Variants in CSMD1 observed in about 807,000 individuals in gnomAD.
CSMD1 encodes the protein CUB and Sushi multiple domains 1, also known as CUB and sushi domain-containing protein 1.
CSMD1 carries 213 observed loss-of-function variants against 417.5 expected under a neutral mutation model. The ratio of observed to expected loss-of-function variants is 0.51; its 90% CI spans 0.46 to 0.57. The LOEUF (loss-of-function observed/expected upper bound fraction) is 0.57. CSMD1 is among the 20% of genes least tolerant of loss of function. The pLI is 0.00. For missense variants in CSMD1, 6,923 were observed against 4,529.7 expected, an observed-to-expected ratio of 1.53 and a Z score of -15.17; for synonymous variants, 2,862 against 1,736.8, an observed-to-expected ratio of 1.65 and a Z score of -16.11.
At chr8:3,814,741 A>C (rs1801281749) in intron 5 of CSMD1, among the ~76,000 whole-genome samples, 1 of 152,168 alleles carries the variant, frequency 6.6e-6, no homozygotes, top group Non-Finnish European at 1.5e-5. Flanking sequence ...TTAGGTATGA[A>C]TCCACAACTT....
intron 3 of CSMD1, among the ~76,000 whole-genome samples, chr8:4,196,998 GCTTT>G (rs1203618412): frequency 6.6e-6 from 1 of 151,938 alleles, no homozygotes; most frequent in Non-Finnish European, 1.5e-5. Flanking sequence ...TCTATTCTAC[GCTTT>G]CTATTTTTTA....
At chr8:4,876,977 T>C (rs1317898398) in intron 1 of CSMD1, among the ~76,000 whole-genome samples, 1 of 152,030 alleles carries the variant, frequency 6.6e-6, no homozygotes, top group Non-Finnish European at 1.5e-5. Context: ...CAATTAAAAA[T>C]ATATACAATA....
chr8:4,824,161 CTATA>C (rs1287461369), intron 1 of CSMD1, among the ~76,000 whole-genome samples: 49 of 151,694 alleles, frequency 3.2e-4, no homozygotes, highest in African/African-American at 1.1e-3. Flanking sequence ...CAATTGATGC[CTATA>C]TATATTTTTG....
chr8:3,549,504 G>C (rs1485988514), intron 10 of CSMD1, among the ~76,000 whole-genome samples: 1 of 152,106 alleles, frequency 6.6e-6, no homozygotes, highest in Non-Finnish European at 1.5e-5. Flanking sequence ...GAATAGCTTG[G>C]GTCGTCAGGG....
intron 5 of CSMD1, among the ~76,000 whole-genome samples, chr8:3,859,463 T>G (rs1000053552): frequency 1.3e-5 from 2 of 152,178 alleles, no homozygotes; most frequent in African/African-American, 4.8e-5. Context: ...ACTTTGTGCT[T>G]GGTTTCTGGG....
At chr8:4,812,000 A>C (rs1389627017) in intron 1 of CSMD1, among the ~76,000 whole-genome samples, 5 of 152,220 alleles carry the variant, frequency 3.3e-5, no homozygotes, top group African/African-American at 4.8e-5. Flanking sequence ...GACAGAAAGT[A>C]ACAGCTTCCA....
chr8:4,684,892 A>C (rs953846818), intron 1 of CSMD1, among the ~76,000 whole-genome samples: 6 of 152,164 alleles, frequency 3.9e-5, no homozygotes, highest in Admixed American at 6.5e-5. Context: ...TCAATCACTT[A>C]CTCAACAAAA....
In CSMD1 at chr8:3,735,696, A is replaced by G. The variant is rs141033082; in HGVS notation, c.931+18234T>C. 1.1e-3 allele frequency among the ~76,000 whole-genome samples: 170 copies of G among 152,328 alleles called. 1 individual carries two copies. Among genetic ancestry groups the G allele is most frequent in the African/African-American group, 3.7e-3 (153 of 41,586 alleles). ...CCCTCTGGAGAGGCTTGCTATCAGG[A>G]TTAAATTCATGGACAACAGAAACTC... On this transcript the variant is annotated intron_variant, in intron 6 of 69. Coordinates refer to ENST00000635120, the MANE Select transcript of CSMD1 (RefSeq NM_033225.6).
intron 3 of CSMD1, among the ~76,000 whole-genome samples, chr8:4,223,711 T>C (rs370887989): frequency 6.6e-6 from 1 of 152,220 alleles, no homozygotes; most frequent in East Asian, 1.9e-4. Context: ...TATTTTTTTG[T>C]TATCTGAAAA....
At chr8:3,296,703 G>A (rs557085780) in intron 25 of CSMD1, among the ~76,000 whole-genome samples, 1 of 152,164 alleles carries the variant, frequency 6.6e-6, no homozygotes, top group Non-Finnish European at 1.5e-5. Flanking sequence ...GAGAAAACAG[G>A]CTTGGAAGAG....
At chr8:4,607,453 G>T (rs1443379482) in intron 2 of CSMD1, among the ~76,000 whole-genome samples, 2 of 152,136 alleles carry the variant, frequency 1.3e-5, no homozygotes, top group Non-Finnish European at 2.9e-5. Flanking sequence ...TGAAACAGTT[G>T]TGAAGCTAGG....
intron 3 of CSMD1, among the ~76,000 whole-genome samples, chr8:4,116,949 C>T (rs1011719945): frequency 6.6e-6 from 1 of 152,048 alleles, no homozygotes; most frequent in Non-Finnish European, 1.5e-5. Flanking sequence ...TCCATGAAGT[C>T]TGAGAATCAG....
intron 3 of CSMD1, among the ~76,000 whole-genome samples, chr8:4,254,980 G>A (rs1449695617): frequency 1.3e-5 from 2 of 152,144 alleles, no homozygotes; most frequent in Non-Finnish European, 2.9e-5. Context: ...CTTTAACAGA[G>A]CACTAAATCC....
At chr8:4,324,644 A>G (rs567914278) in intron 3 of CSMD1, among the ~76,000 whole-genome samples, 1 of 152,302 alleles carries the variant, frequency 6.6e-6, no homozygotes, top group African/African-American at 2.4e-5. Context: ...GAAAACAAAC[A>G]AACACTGCTC....
At chr8:4,371,989 C>G (rs1367319) in intron 3 of CSMD1, among the ~76,000 whole-genome samples, 1 of 152,064 alleles carries the variant, frequency 6.6e-6, no homozygotes, top group Admixed American at 6.5e-5. Context: ...AATGTTATGA[C>G]TGAAGACATA....
At chr8:3,212,831 CTT>C (rs35152655) in intron 30 of CSMD1, among the ~76,000 whole-genome samples, 11 of 138,548 alleles carry the variant, frequency 7.9e-5, no homozygotes, top group Admixed American at 1.4e-4. Flanking sequence ...TTCTTATATA[CTT>C]TTTTTTTTTT....
At chr8:4,675,514 T>C (rs372945191) in intron 1 of CSMD1, among the ~76,000 whole-genome samples, 18 of 152,232 alleles carry the variant, frequency 1.2e-4, no homozygotes, top group African/African-American at 3.9e-4. Context: ...GAATCAAGAC[T>C]GTAATGGAGG....
At chr8:4,531,667 A>C (rs963859044) in intron 2 of CSMD1, among the ~76,000 whole-genome samples, 1 of 152,118 alleles carries the variant, frequency 6.6e-6, no homozygotes, top group African/African-American at 2.4e-5. Context: ...GTGCTTATCT[A>C]GTTTGTCAGA....
intron 3 of CSMD1, among the ~76,000 whole-genome samples, chr8:4,397,224 C>A (rs1804300296): frequency 6.6e-6 from 1 of 151,966 alleles, no homozygotes; most frequent in South Asian, 2.1e-4. Flanking sequence ...GAACAGCTCC[C>A]TTCTGTTTAT....
Sources: allele counts gnomAD v4.1 joint callset (sites outside exome capture counted in the v4.1 genomes callset), GRCh38; gene constraint gnomAD v4.1.1; transcripts MANE v1.5; gene names NCBI Gene and HGNC (gene_info 2026-07-23, HGNC 2026-07-21).